BRD10: variants seen among roughly 807,000 people sequenced by gnomAD.
BRD10 encodes bromodomain containing 10, also known as uncharacterized bromodomain-containing protein 10.
chr9:5,975,555 A>G, the BRD10 span, among the ~76,000 whole-genome samples: 1 of 152,086 alleles, frequency 6.6e-6, no homozygotes, highest in Non-Finnish European at 1.5e-5. Context: ...AGATATAAAG[A>G]AGACCCAAAC....
the BRD10 span, chr9:5,988,249 T>C: frequency 3.8e-6 from 3 of 785,396 alleles, no homozygotes; most frequent in Non-Finnish European, 4.2e-6. Context: ...TTTGTAACAA[T>C]GCATTTTAGA....
the BRD10 span, among the ~76,000 whole-genome samples, chr9:5,944,111 C>T: frequency 2.6e-5 from 4 of 151,940 alleles, no homozygotes; most frequent in African/African-American, 9.7e-5. Flanking sequence ...ATTCCTAAGG[C>T]GCAAAACGAA....
the BRD10 span, chr9:5,920,205 T>C: frequency 3.1e-6 from 5 of 1,613,210 alleles, no homozygotes; most frequent in Admixed American, 5.0e-5. Flanking sequence ...GTAGATTGAA[T>C]GCCTTGGCCA....
At chr9:5,993,769 A>C in the BRD10 span, among the ~76,000 whole-genome samples, 2 of 152,230 alleles carry the variant, frequency 1.3e-5, no homozygotes, top group African/African-American at 4.8e-5. Flanking sequence ...AGGTCAAGGC[A>C]TACCAGTTTG....
the BRD10 span, among the ~76,000 whole-genome samples, chr9:5,953,853 T>C: frequency 6.6e-6 from 1 of 152,132 alleles, no homozygotes; most frequent in Admixed American, 6.6e-5. Flanking sequence ...GCAGATTAAA[T>C]CTTGGTTACA....
chr9:5,923,745 A>G, the BRD10 span, among the ~76,000 whole-genome samples: 7 of 152,220 alleles, frequency 4.6e-5, no homozygotes, highest in African/African-American at 1.7e-4. Context: ...TAGAGACTCT[A>G]AAGGACAAAA....
chr9:5,900,590 T>C, the BRD10 span, among the ~76,000 whole-genome samples: 6 of 152,328 alleles, frequency 3.9e-5, no homozygotes, highest in South Asian at 1.2e-3. Context: ...GCTTTGGGCA[T>C]GTGAATTACT....
the BRD10 span, among the ~76,000 whole-genome samples, chr9:5,952,467 C>A: frequency 2.0e-5 from 3 of 152,182 alleles, no homozygotes; most frequent in Non-Finnish European, 4.4e-5. Flanking sequence ...TACATATTCA[C>A]ACTGCTATGT....
chr9:5,955,772 G>A, the BRD10 span, among the ~76,000 whole-genome samples: 1 of 151,604 alleles, frequency 6.6e-6, no homozygotes, highest in East Asian at 1.9e-4. Context: ...ATTTACTTCT[G>A]TGCTTACACA....
At chr9:5,967,897 A>C in the BRD10 span, 1 of 631,312 alleles carries the variant, frequency 1.6e-6, no homozygotes, top group East Asian at 2.8e-5. Flanking sequence ...TTTGACCCTC[A>C]AATATACACG....
At chr9:5,884,360 GC>G in the BRD10 span, among the ~76,000 whole-genome samples, 1 of 152,140 alleles carries the variant, frequency 6.6e-6, no homozygotes, top group Non-Finnish European at 1.5e-5. Context: ...GGTATTCCAG[GC>G]CCTGTGGCGC....
chr9:5,942,242 C>A, the BRD10 span, among the ~76,000 whole-genome samples: 2 of 151,814 alleles, frequency 1.3e-5, no homozygotes, highest in Non-Finnish European at 2.9e-5. Context: ...TAACGATGAC[C>A]CTCAAGTCAT....
chr9:5,987,901 T>C, the BRD10 span, among the ~76,000 whole-genome samples: 2 of 152,200 alleles, frequency 1.3e-5, no homozygotes, highest in African/African-American at 4.8e-5. Context: ...AGCACACTTT[T>C]TCCTGATCAG....
At chr9:5,979,664 T>C in the BRD10 span, among the ~76,000 whole-genome samples, 270 of 152,282 alleles carry the variant, frequency 1.8e-3, no homozygotes, top group Non-Finnish European at 3.2e-3. Flanking sequence ...TCCAGATTAA[T>C]AGAAATTTAC....
At chr9:5,949,664 T>C in the BRD10 span, among the ~76,000 whole-genome samples, 1 of 152,158 alleles carries the variant, frequency 6.6e-6, no homozygotes, top group East Asian at 1.9e-4. Context: ...TTTTGGTTAT[T>C]GTTGAAAAGC....
chr9:5,880,716 T>C, the BRD10 span, among the ~76,000 whole-genome samples: 1 of 151,068 alleles, frequency 6.6e-6, no homozygotes, highest in African/African-American at 2.4e-5. Context: ...TTTTTTTTTT[T>C]TTCCCTGAGA....
chr9:5,934,868 C>A, the BRD10 span, among the ~76,000 whole-genome samples: 1 of 152,088 alleles, frequency 6.6e-6, no homozygotes, highest in Non-Finnish European at 1.5e-5. Context: ...TAAACTGTAA[C>A]TAAGTATTTT....
the BRD10 span, among the ~76,000 whole-genome samples, chr9:5,995,828 C>G: frequency 6.6e-6 from 1 of 152,068 alleles, no homozygotes; most frequent in Non-Finnish European, 1.5e-5. Flanking sequence ...AAAATATTTA[C>G]TGAGCCACAG....
chr9:5,896,808 A>G, the BRD10 span, among the ~76,000 whole-genome samples: 1 of 152,190 alleles, frequency 6.6e-6, no homozygotes, highest in East Asian at 1.9e-4. Context: ...AGGCTGGTGT[A>G]GACCCCCAGA....
Sources: gnomAD v4.1 joint callset for allele counts (sites outside exome capture counted in the v4.1 genomes callset) on GRCh38, gnomAD v4.1.1 for gene constraint, MANE v1.5 for transcripts, NCBI Gene and HGNC (gene_info 2026-07-23, HGNC 2026-07-21) for gene names.